CNTN3: variants seen among roughly 807,000 people sequenced by gnomAD.
The protein encoded by CNTN3 is contactin 3.
A neutral mutation model predicts 119.1 loss-of-function variants in CNTN3; 60 were observed. The ratio of observed to expected loss-of-function variants is 0.50; its 90% CI spans 0.41 to 0.62. The LOEUF (loss-of-function observed/expected upper bound fraction) is 0.62, where lower values mean the gene tolerates loss of function less well. CNTN3 is among the 20% of genes least tolerant of loss of function. The pLI, the probability that CNTN3 is intolerant of heterozygous loss-of-function variation, is 0.00. For synonymous variants in CNTN3, 450 were observed against 438.7 expected, an observed-to-expected ratio of 1.03 and a Z score of -0.32; for missense variants, 1,101 against 1,242.4, an observed-to-expected ratio of 0.89 and a Z score of 1.71.
intron 19 of CNTN3, 38 bp downstream of exon 19, chr3:74,295,083 G>A (rs1462999982): frequency 1.5e-6 from 2 of 1,344,462 alleles, no homozygotes; most frequent in South Asian, 1.2e-5. Flanking sequence ...AAGTGGCACG[G>A]TAACACACAT....
rs1365070803 is a variant in CNTN3 at position 74,329,287 on chromosome 3, G to A, written c.1668+5448C>T. Among the ~76,000 whole-genome samples, 4 of 152,100 alleles carry A rather than the reference G, an allele frequency of 2.6e-5. No individual in the cohort carries two copies. In the East Asian group the frequency reaches 7.7e-4, roughly 29 times the overall value. ...TCATATTGAAGTGAGCCATTTAAAT[G>A]AATGGCAGATTGGTTGTCACTGCTC... On this transcript the variant is annotated intron_variant, in intron 13 of 22. Coordinates refer to ENST00000263665, the MANE Select transcript of CNTN3 (RefSeq NM_020872.3).
intron 1 of CNTN3, among the ~76,000 whole-genome samples, chr3:74,613,870 C>T (rs2305235): frequency 0.51 from 77,980 of 151,974 alleles, 21,205 homozygotes; most frequent in African/African-American, 0.7. Flanking sequence ...CGACGGGGAA[C>T]TCCGTCCCAA....
At chr3:74,271,397 T>C (rs1428880144) in intron 20 of CNTN3, among the ~76,000 whole-genome samples, 2 of 152,206 alleles carry the variant, frequency 1.3e-5, no homozygotes, top group Non-Finnish European at 2.9e-5. Context: ...TGAGTGAATT[T>C]TATTTTTTCT....
At chr3:74,362,913 G>A (rs1376367784) in intron 10 of CNTN3, among the ~76,000 whole-genome samples, 1 of 152,072 alleles carries the variant, frequency 6.6e-6, no homozygotes, top group Non-Finnish European at 1.5e-5. Flanking sequence ...GGTATCCAGA[G>A]GTTGTTGGCC....
chr3:74,444,159 T>C (rs187506966), intron 4 of CNTN3, among the ~76,000 whole-genome samples: 17 of 152,204 alleles, frequency 1.1e-4, no homozygotes, highest in African/African-American at 2.4e-4. Flanking sequence ...ACCAATCACA[T>C]TGGATTAGTG....
chr3:74,264,737 T>C (rs1358927583), intron 22 of CNTN3, among the ~76,000 whole-genome samples: 1 of 152,136 alleles, frequency 6.6e-6, no homozygotes, highest in Non-Finnish European at 1.5e-5. Flanking sequence ...CTGTTGTTTA[T>C]AAGCCACCTG....
At chr3:74,510,956 A>C (rs1361652186) in intron 2 of CNTN3, among the ~76,000 whole-genome samples, 1 of 151,984 alleles carries the variant, frequency 6.6e-6, no homozygotes, top group Admixed American at 6.6e-5. Flanking sequence ...GTTTTTTTCA[A>C]GTTTTTGCAA....
rs192136046 is a variant in CNTN3, at chr3:74,599,627, G to A, written c.-81+14764C>T. On this transcript the variant is annotated intron_variant, in intron 1 of 22. Coordinates refer to ENST00000263665, the MANE Select transcript of CNTN3 (RefSeq NM_020872.3). The stretch of plus-strand genomic sequence containing the variant: ...TCATGCCACCACTGACCTGACAGGC[G>A]GCAGAGCTCAGGCAGTGATAGGTAA... 2.2e-3 allele frequency among the ~76,000 whole-genome samples: 333 copies of A among 152,116 alleles called. 2 individuals carry two copies. Among genetic ancestry groups the A allele is most frequent in the African/African-American group, 7.7e-3 (319 of 41,508 alleles).
intron 11 of CNTN3, among the ~76,000 whole-genome samples, chr3:74,352,397 G>T (rs1703836345): frequency 1.3e-5 from 2 of 152,172 alleles, no homozygotes; most frequent in African/African-American, 4.8e-5. Flanking sequence ...CTAGAGGCAG[G>T]ATGGAATGTC....
intron 20 of CNTN3, among the ~76,000 whole-genome samples, chr3:74,283,026 C>T (rs1342873070): frequency 6.6e-6 from 1 of 152,050 alleles, no homozygotes; most frequent in Non-Finnish European, 1.5e-5. Context: ...CTGGATTTCC[C>T]ATCAAACTAA....
At chr3:74,365,805 GATA>G in intron 8 of CNTN3, 103 bp from the exon 9 acceptor site, 1 of 1,278,358 alleles carries the variant, frequency 7.8e-7, no homozygotes, top group Non-Finnish European at 1.1e-6. Context: ...AAATGGACAT[GATA>G]ATGAGTAACA....
At chr3:74,455,233 C>T (rs1702245609) in intron 4 of CNTN3, among the ~76,000 whole-genome samples, 1 of 151,952 alleles carries the variant, frequency 6.6e-6, no homozygotes, top group South Asian at 2.1e-4. Context: ...AACTTCCCTT[C>T]TCGCTTCATT....
chr3:74,550,090 A>T (rs1703968510), intron 1 of CNTN3, among the ~76,000 whole-genome samples: 1 of 152,152 alleles, frequency 6.6e-6, no homozygotes, highest in African/African-American at 2.4e-5. Context: ...CACAAAATGG[A>T]AGTGGTAGAT....
chr3:74,455,522 G>A (rs923499550), intron 4 of CNTN3, among the ~76,000 whole-genome samples: 5 of 152,112 alleles, frequency 3.3e-5, no homozygotes, highest in Non-Finnish European at 5.9e-5. Flanking sequence ...TCTCCGTCCA[G>A]CTTTGTTCCA....
chr3:74,374,123 G>A (rs553378683), intron 5 of CNTN3, among the ~76,000 whole-genome samples: 186 of 152,074 alleles, frequency 1.2e-3, no homozygotes, highest in African/African-American at 4.3e-3. Context: ...ATTTTGGCTC[G>A]GCAACTCCCC....
chr3:74,582,341 G>A (rs1559666789), intron 1 of CNTN3, among the ~76,000 whole-genome samples: 1 of 152,028 alleles, frequency 6.6e-6, no homozygotes, highest in Non-Finnish European at 1.5e-5. Flanking sequence ...GGGAGGCAGA[G>A]GCTGCAGTGA....
In CNTN3 at chr3:74,301,522, C is replaced by G. The variant is rs111626135; in HGVS notation, c.1971G>C (p.Thr657=). The change falls in exon 16 of 23, where the codon ACG becomes ACC. Residue 657 remains threonine, a synonymous_variant. Transcript: ENST00000263665. The part of the protein sequence containing the change: ...TTVPEVIDGK[T]HTATVVELNP... ...TTAACTCAACTACAGTGGCTGTGTG[C>G]GTCTTCCCATCGATGACCTCAGGCA... 1 of 1,613,950 alleles carries G rather than the reference C, an allele frequency of 6.2e-7. No homozygotes were observed. The highest frequency in any genetic ancestry group is 1.7e-5 in the Admixed American group (1 of 59,998).
chr3:74,286,240 G>A (rs1462683753), intron 19 of CNTN3, among the ~76,000 whole-genome samples: 2 of 152,094 alleles, frequency 1.3e-5, no homozygotes, highest in African/African-American at 2.4e-5. Flanking sequence ...GTATTACAAA[G>A]CATACGAGGA....
At chr3:74,303,619 G>GTGAGCCGA (rs1445674619) in intron 13 of CNTN3, among the ~76,000 whole-genome samples, 2 of 152,234 alleles carry the variant, frequency 1.3e-5, no homozygotes, top group Non-Finnish European at 2.9e-5. Context: ...CTTGAACTTG[G>GTGAGCCGA]GAGGTGGAGG....
Sources: allele counts gnomAD v4.1 joint callset (sites outside exome capture counted in the v4.1 genomes callset), GRCh38; gene constraint gnomAD v4.1.1; transcripts MANE v1.5; gene names NCBI Gene and HGNC (gene_info 2026-07-23, HGNC 2026-07-21).